PPP1R7: variants seen among roughly 807,000 people sequenced by gnomAD.
The protein encoded by PPP1R7 is protein phosphatase 1 regulatory subunit 7, also known as protein phosphatase 1 regulatory subunit 22.
PPP1R7 carries 18 observed loss-of-function variants against 45.2 expected under a neutral mutation model. The observed-to-expected ratio is 0.40, with a 90% CI of 0.28 to 0.59. The LOEUF (loss-of-function observed/expected upper bound fraction) is 0.59, where lower values mean the gene tolerates loss of function less well. PPP1R7 is among the 20% of genes least tolerant of loss of function. PPP1R7 has a pLI of 0.46. For missense variants in PPP1R7, 314 were observed against 455.8 expected (o/e 0.69, Z 2.83); for synonymous variants, 181 against 183.4 (o/e 0.99, Z 0.11).
At chr2:241,167,094 A>G (rs757614122) in intron 8 of PPP1R7, 9 of 1,608,318 alleles carry the variant, frequency 5.6e-6, no homozygotes, top group Non-Finnish European at 7.6e-6. Flanking sequence ...CAGAGCCCCC[A>G]CCCTCCTCAG....
chr2:241,151,942 A>G (rs375158548), intron 1 of PPP1R7, among the ~76,000 whole-genome samples: 60 of 152,254 alleles, frequency 3.9e-4, no homozygotes, highest in African/African-American at 1.3e-3. Flanking sequence ...CCACTGTCCC[A>G]TGTTCCAGAC....
At chr2:241,173,002 A>G (rs2067845068) in intron 9 of PPP1R7, among the ~76,000 whole-genome samples, 1 of 151,806 alleles carries the variant, frequency 6.6e-6, no homozygotes, top group Non-Finnish European at 1.5e-5. Flanking sequence ...AAAAATAAAT[A>G]GAGATGGGGC....
intron 6 of PPP1R7, among the ~76,000 whole-genome samples, chr2:241,161,670 A>G (rs572524499): frequency 2.2e-4 from 34 of 152,384 alleles, no homozygotes; most frequent in African/African-American, 8.2e-4. Context: ...GTTCCACAGA[A>G]GCAGGATCAA....
At chr2:241,160,307 A>T (rs752844002) in intron 5 of PPP1R7, 25 bp from the exon 6 acceptor site, 31 of 1,560,990 alleles carry the variant, frequency 2.0e-5, no homozygotes, top group East Asian at 9.2e-5. Flanking sequence ...AAATTTTTTT[A>T]AAAAACTGTT....
chr2:241,171,489 T>C (rs575487525), intron 9 of PPP1R7, among the ~76,000 whole-genome samples: 64 of 152,230 alleles, frequency 4.2e-4, no homozygotes, highest in Non-Finnish European at 7.9e-4. Context: ...TCAAACTCAG[T>C]TCCATGCTCA....
chr2:241,167,083 A>C (rs2067731597), intron 8 of PPP1R7: 2 of 1,611,114 alleles, frequency 1.2e-6, no homozygotes, highest in Non-Finnish European at 8.5e-7. Flanking sequence ...AAGTGTGCTC[A>C]CAGAGCCCCC....
rs1029289814 is a variant in PPP1R7, at chr2:241,164,785, C to A, written c.714+1384C>A. 2.6e-5 allele frequency among the ~76,000 whole-genome samples: 4 copies of A among 152,144 alleles called. No homozygotes were observed. The South Asian group carries it at 8.3e-4, about 32-fold the overall frequency. ...CTCTTAGGCCAGGCGTGGTGGCTCA[C>A]GCCTGTAATCCCAGCCCTTTGGGAG... On this transcript the variant is annotated intron_variant, in intron 7 of 9. Transcript: ENST00000234038.
At position 241,183,173 on chromosome 2, in the gene PPP1R7, T is replaced by C. The variant is rs979096659; in HGVS notation, c.*350T>C. ...TGAAACACAGGGCCTGAGAGTGCTT[T>C]ACAGGCATTCACGTGCTGTCCGAGT... On this transcript the variant is annotated 3_prime_UTR_variant, in exon 10 of 10. Transcript: ENST00000234038. 2 of 390,872 alleles carry C rather than the reference T, an allele frequency of 5.1e-6. No homozygotes were observed. The highest frequency in any genetic ancestry group is 9.9e-6 in the Non-Finnish European group (2 of 202,266). 24.2% of individuals were successfully genotyped at this position (390,872 alleles called of 1,614,324 possible).
chr2:241,172,289 C>T (rs1161502491), intron 9 of PPP1R7, among the ~76,000 whole-genome samples: 4 of 151,896 alleles, frequency 2.6e-5, no homozygotes, highest in Non-Finnish European at 5.9e-5. Flanking sequence ...TTTTAATTTT[C>T]ACCATCTATA....
At chr2:241,171,935 T>C (rs1013536801) in intron 9 of PPP1R7, among the ~76,000 whole-genome samples, 1 of 152,218 alleles carries the variant, frequency 6.6e-6, no homozygotes, top group Non-Finnish European at 1.5e-5. Context: ...ATAATTAAAA[T>C]GTGTTTTTCA....
At chr2:241,159,473 C>A in intron 5 of PPP1R7, 130 bp downstream of exon 5, 1 of 1,192,342 alleles carries the variant, frequency 8.4e-7, no homozygotes, top group Non-Finnish European at 1.1e-6. Flanking sequence ...GGGTCCTGCC[C>A]TGCATCTGAA....
intron 7 of PPP1R7, 118 bp from the exon 8 acceptor site, chr2:241,166,219 A>G: frequency 2.3e-6 from 2 of 862,918 alleles, no homozygotes; most frequent in Non-Finnish European, 3.6e-6. Context: ...AGCATGTTTT[A>G]AGTGAAATTC....
At chr2:241,167,059 C>T (rs771688515) in intron 8 of PPP1R7, 44 of 1,612,420 alleles carry the variant, frequency 2.7e-5, no homozygotes, top group Admixed American at 1.7e-5. Flanking sequence ...AGGACAGCCT[C>T]ACGTACTGAG....
chr2:241,153,889 A>G (rs2067380184), intron 2 of PPP1R7, among the ~76,000 whole-genome samples: 1 of 152,172 alleles, frequency 6.6e-6, no homozygotes, highest in African/African-American at 2.4e-5. Flanking sequence ...AGACAGAACC[A>G]TGACATTGTT....
upstream of PPP1R7, chr2:241,150,065 G>T (rs2067213206): frequency 1.5e-6 from 2 of 1,332,694 alleles, no homozygotes; most frequent in East Asian, 6.6e-5. Context: ...ATGCACGTAG[G>T]ACTGGCCCGC....
chr2:241,172,062 A>G (rs1159717940), intron 9 of PPP1R7, among the ~76,000 whole-genome samples: 1 of 151,826 alleles, frequency 6.6e-6, no homozygotes, highest in Non-Finnish European at 1.5e-5. Context: ...ATTTTGTGTA[A>G]TGGTTGAGTT....
At chr2:241,173,544 T>C (rs1445103738) in intron 9 of PPP1R7, among the ~76,000 whole-genome samples, 1 of 152,228 alleles carries the variant, frequency 6.6e-6, no homozygotes, top group African/African-American at 2.4e-5. Flanking sequence ...CGTGCCATGG[T>C]GTAGTTTATT....
chr2:241,169,687 A>G lies in PPP1R7; in HGVS notation c.820-94A>G. On this transcript the variant is annotated intron_variant, in intron 8 of 9. Coordinates refer to ENST00000234038, the MANE Select transcript of PPP1R7 (RefSeq NM_002712.3). ...AGGGCAGAGAGGGCAGTGCACCTGC[A>G]GCCCTAAGGTCAGCACTTGACACTG... is the stretch of plus-strand genomic sequence containing the variant. 3.0e-6 allele frequency: 3 copies of G among 1,012,120 alleles called. No individual in the cohort carries two copies. The South Asian group carries it at 4.1e-5, about 14-fold the overall frequency. The allele number at this position is 1,012,120 out of a possible 1,614,324, so 62.7% of individuals were successfully genotyped here.
Position 241,163,343 on chromosome 2 carries a change from A to G in PPP1R7, c.656A>G (p.Lys219Arg), listed in dbSNP as rs2067636398. The G allele has an allele frequency of 6.2e-7, 1 of 1,613,978 alleles. No individual in the cohort carries two copies. The highest frequency in any genetic ancestry group is 1.3e-5 in the African/African-American group (1 of 74,912). ...GAGAGTTTGTTTTTGGGGAAAAACA[A>G]AATTACTAAACTTCAGAACCTGGAT... ...NLESLFLGKN[K>R]ITKLQNLDAL... is the part of the protein sequence containing the mutation. Residue 219 changes from lysine to arginine, a missense_variant, in exon 7 of 10, where the codon AAA (lysine) becomes AGA (arginine). Physicochemically the swap from Lys to Arg is conservative, Grantham distance 26. Transcript: ENST00000234038.
Sources: allele counts gnomAD v4.1 joint callset (sites outside exome capture counted in the v4.1 genomes callset), GRCh38; gene constraint gnomAD v4.1.1; transcripts MANE v1.5; gene names NCBI Gene and HGNC (gene_info 2026-07-23, HGNC 2026-07-21).